MCF2: variants seen among roughly 807,000 people sequenced by gnomAD.
MCF2 encodes the protein MCF.2 cell line derived transforming sequence.
A neutral mutation model predicts 82.5 loss-of-function variants in MCF2; 44 were observed. The observed-to-expected ratio is 0.53, with a 90% CI of 0.42 to 0.69. The LOEUF (loss-of-function observed/expected upper bound fraction) is 0.69, where lower values mean the gene tolerates loss of function less well. Among genes scored for constraint, MCF2 ranks in the 30% least tolerant of loss-of-function variants. The probability of loss-of-function intolerance (pLI) is 0.00; values close to 1 mark genes in which losing one functional copy is unlikely to be tolerated. For missense variants in MCF2, 623 were observed against 663.1 expected, an observed-to-expected ratio of 0.94 and a Z score of 0.66; for synonymous variants, 217 against 224.9, an observed-to-expected ratio of 0.96 and a Z score of 0.32.
chrX:139,602,502 T>C lies in MCF2; in HGVS notation c.1744-4A>G. On this transcript the variant is annotated splice_region_variant and splice_polypyrimidine_tract_variant and intron_variant, in intron 15 of 24. Transcript: ENST00000370576. ...CATACATCTGAAAATCATCCTTCTG[T>C]GATAAAAAACAAATTCAAATGTATT... 4 of 1,139,801 alleles carry C rather than the reference T, an allele frequency of 3.5e-6. No homozygotes were observed. Among genetic ancestry groups the C allele is most frequent in the Non-Finnish European group, 4.8e-6 (4 of 834,187 alleles). 93.9% of individuals were successfully genotyped at this position (1,139,801 alleles called of 1,213,427 possible).
intron 1 of MCF2, among the ~76,000 whole-genome samples, chrX:139,641,217 G>A (rs1311114201): frequency 9.4e-6 from 1 of 106,649 alleles, no homozygotes; most frequent in Non-Finnish European, 1.9e-5. Flanking sequence ...TATATAATTA[G>A]GAACTTTCTG....
chrX:139,655,526 T>C (rs753969374), intron 1 of MCF2, among the ~76,000 whole-genome samples: 1 of 111,773 alleles, frequency 8.9e-6, no homozygotes, highest in African/African-American at 3.2e-5. Context: ...GAGTTTTTTA[T>C]TATTATTATT....
At chrX:139,624,193 T>C (rs781183716) in intron 6 of MCF2, among the ~76,000 whole-genome samples, 1 of 111,111 alleles carries the variant, frequency 9.0e-6, no homozygotes, top group African/African-American at 3.3e-5. Flanking sequence ...CTAAATAGAA[T>C]CATGAGAAGA....
At position 139,605,008 on chromosome X, in the gene MCF2, G is replaced by T. The variant is rs185701233; in HGVS notation, c.1558-24C>A. ...CCCTACCCAAAATAAATACATTCAT[G>T]CATTTTAAAATAATTACATGCACAT... is the stretch of plus-strand genomic sequence containing the variant. On this transcript the variant is annotated intron_variant, in intron 13 of 24. Transcript: ENST00000370576. The T allele has an allele frequency of 2.5e-3, 2,243 of 889,808 alleles. 5 individuals carry two copies. The highest frequency in any genetic ancestry group is 0.019 in the South Asian group (700 of 37,711). The allele number at this position is 889,808 out of a possible 1,213,427, so 73.3% of individuals were successfully genotyped here.
At chrX:139,604,728 T>C (rs757678257) in exon 15 of MCF2, 1 of 1,198,467 alleles carries the variant, frequency 8.3e-7, no homozygotes, top group Admixed American at 2.2e-5. Context: ...TGAGCACAAT[T>C]TTCCAGGCTG....
intron 8 of MCF2, among the ~76,000 whole-genome samples, chrX:139,616,773 G>A (rs995431981): frequency 1.8e-5 from 2 of 110,519 alleles, no homozygotes; most frequent in Admixed American, 9.6e-5. Context: ...GCAGGAGTCC[G>A]ACCATTTTCT....
chrX:139,603,706 G>C (rs1930744468), intron 15 of MCF2, among the ~76,000 whole-genome samples: 1 of 110,735 alleles, frequency 9.0e-6, no homozygotes, highest in South Asian at 3.9e-4. Flanking sequence ...GTGGTGGTGG[G>C]CACCTGTAGT....
At chrX:139,617,427 C>T in intron 8 of MCF2, 86 bp downstream of exon 11, 1 of 680,728 alleles carries the variant, frequency 1.5e-6, no homozygotes, top group Non-Finnish European at 2.1e-6. Flanking sequence ...TTCCATGCGA[C>T]AGGAGGGCAA....
chrX:139,630,506 A>G (rs2148490931), intron 3 of MCF2, among the ~76,000 whole-genome samples: 1 of 112,309 alleles, frequency 8.9e-6, no homozygotes, highest in South Asian at 3.7e-4. Context: ...TCTGTTAACC[A>G]TGCATATCAA....
chrX:139,698,748 G>C (rs1199415061), intron 1 of MCF2, among the ~76,000 whole-genome samples: 3 of 111,700 alleles, frequency 2.7e-5, no homozygotes, highest in Non-Finnish European at 5.6e-5. Flanking sequence ...GTACAAAGAG[G>C]ACTTAGTATG....
upstream of MCF2, among the ~76,000 whole-genome samples, chrX:139,644,038 A>G (rs1437727934): frequency 1.8e-5 from 2 of 112,114 alleles, no homozygotes; most frequent in Non-Finnish European, 3.8e-5. Context: ...CCCAAGGACC[A>G]ATCCTAAAAG....
chrX:139,612,019 A>C (rs1931532897), intron 10 of MCF2, among the ~76,000 whole-genome samples: 1 of 110,813 alleles, frequency 9.0e-6, no homozygotes, highest in African/African-American at 3.3e-5. Context: ...AAAGACTGTC[A>C]CAGTTGCCAA....
chrX:139,670,551 G>C (rs1199806362), intron 1 of MCF2, among the ~76,000 whole-genome samples: 3 of 110,524 alleles, frequency 2.7e-5, no homozygotes, highest in Non-Finnish European at 5.7e-5. Context: ...CTATGGGTCA[G>C]AACAGGCGGT....
chrX:139,642,654 T>C, exon 1 of MCF2: 3 of 1,171,046 alleles, frequency 2.6e-6, no homozygotes, highest in Non-Finnish European at 3.4e-6. Context: ...GCTGCTTCCA[T>C]TAGCACAGTG....
chrX:139,651,881 A>G (rs1405110101), intron 1 of MCF2, 93 bp from the exon 2 acceptor site: 15 of 526,676 alleles, frequency 2.8e-5, no homozygotes, highest in Non-Finnish European at 4.7e-5. Context: ...GTCTAAAATT[A>G]TTCTGGGAGC....
intron 1 of MCF2, among the ~76,000 whole-genome samples, chrX:139,695,477 T>A (rs966755746): frequency 8.9e-6 from 1 of 112,189 alleles, no homozygotes; most frequent in African/African-American, 3.2e-5. Context: ...GCAAGATGAA[T>A]ATGTAGTATA....
chrX:139,646,140 A>G (rs1933793637), upstream of MCF2, among the ~76,000 whole-genome samples: 2 of 111,574 alleles, frequency 1.8e-5, no homozygotes, highest in African/African-American at 3.3e-5. Context: ...TAAAAATATC[A>G]CTTTCAAGCT....
At chrX:139,626,380 TG>T in intron 5 of MCF2, 73 bp from the exon 9 acceptor site, 1 of 672,110 alleles carries the variant, frequency 1.5e-6, no homozygotes, top group Non-Finnish European at 2.3e-6. Flanking sequence ...AAGTGTGGTC[TG>T]GACATTAAGA....
At chrX:139,648,571 A>G (rs1933886785) in intron 2 of MCF2, among the ~76,000 whole-genome samples, 2 of 111,836 alleles carry the variant, frequency 1.8e-5, no homozygotes, top group Non-Finnish European at 3.8e-5. Flanking sequence ...ATGAATAATC[A>G]CATAAAATGT....
Sources: gnomAD v4.1 joint callset for allele counts (sites outside exome capture counted in the v4.1 genomes callset) on GRCh38, gnomAD v4.1.1 for gene constraint, MANE v1.5 for transcripts, NCBI Gene and HGNC (gene_info 2026-07-23, HGNC 2026-07-21) for gene names.